The following MTMR14 variants were observed in gnomAD, a reference collection of about 807,000 sequenced individuals.
The protein encoded by MTMR14 is phosphatidylinositol-3,5-bisphosphate 3-phosphatase MTMR14.
A neutral mutation model predicts 86.3 loss-of-function variants in MTMR14; 48 were observed. That is an observed-to-expected ratio of 0.56 (90% CI 0.44 to 0.71). The LOEUF is 0.71. MTMR14 is among the 30% of genes least tolerant of loss of function. The pLI is 0.00. For missense variants in MTMR14, 780 were observed against 834.6 expected, an observed-to-expected ratio of 0.93 and a Z score of 0.81; for synonymous variants, 366 against 326.1, an observed-to-expected ratio of 1.12 and a Z score of -1.32.
chr3:9,688,249 C>G (rs1189132948), intron 14 of MTMR14, among the ~76,000 whole-genome samples: 1 of 152,234 alleles, frequency 6.6e-6, no homozygotes, highest in Non-Finnish European at 1.5e-5. Context: ...GACTCTTGTC[C>G]TCCATGGCCT....
chr3:9,685,045 G>A (rs1317992820), intron 12 of MTMR14, 81 bp downstream of exon 12: 11 of 1,519,984 alleles, frequency 7.2e-6, no homozygotes, highest in Non-Finnish European at 1.0e-5. Context: ...CCTTGACAGG[G>A]GCTGGAGGTA....
chr3:9,687,753 C>T (rs1437711883), intron 13 of MTMR14, 68 bp from the exon 14 acceptor site: 3 of 1,390,070 alleles, frequency 2.2e-6, no homozygotes, highest in African/African-American at 2.9e-5. Context: ...GAGTGGCTGG[C>T]CGCCCTCCCC....
intron 18 of MTMR14, chr3:9,699,904 A>G (rs887736036): frequency 6.6e-6 from 1 of 152,276 alleles, no homozygotes; most frequent in African/African-American, 2.4e-5. Context: ...GAAATTAGAA[A>G]GTAAAAAGAT....
intron 2 of MTMR14, among the ~76,000 whole-genome samples, chr3:9,655,065 C>A (rs1172507249): frequency 6.6e-6 from 1 of 152,014 alleles, no homozygotes; most frequent in African/African-American, 2.4e-5. Context: ...TGCTAGGAAC[C>A]CCTAAGCACT....
At position 9,649,611 on chromosome 3, in the gene MTMR14, G is replaced by A. The variant is rs2047160023; in HGVS notation, c.28G>A (p.Ala10Thr). Reference sequence around the variant, plus strand: ...GGCCGGCGCTCGGGCCGCCGCCGCCGCTGCCTCGGCGGGGTCCTCGGCCTC... The same window carrying A: ...GGCCGGCGCTCGGGCCGCCGCCGCCACTGCCTCGGCGGGGTCCTCGGCCTC... MAGARAAAA[A>T]ASAGSSASSG... Residue 10 changes from alanine (A) to threonine (T), a missense_variant, in exon 1 of 19, where the codon GCT becomes ACT. Coordinates refer to ENST00000296003, the MANE Select transcript of MTMR14 (RefSeq NM_001077525.3). The A allele has an allele frequency of 1.9e-6, 3 of 1,549,740 alleles. No individual in the cohort carries two copies. The highest frequency in any genetic ancestry group is 2.6e-6 in the Non-Finnish European group (3 of 1,147,576).
intron 3 of MTMR14, among the ~76,000 whole-genome samples, chr3:9,666,541 T>C (rs1238329330): frequency 1.3e-5 from 2 of 152,238 alleles, no homozygotes; most frequent in Non-Finnish European, 2.9e-5. Flanking sequence ...TAAAAGTGAT[T>C]ACATGTTGAC....
chr3:9,653,994 C>A, intron 2 of MTMR14: 1 of 576,418 alleles, frequency 1.7e-6, no homozygotes, highest in South Asian at 1.9e-5. Flanking sequence ...TCACTTCCAC[C>A]CTAGAGCTCA....
intron 9 of MTMR14, 102 bp from the exon 10 acceptor site, chr3:9,683,076 G>A: frequency 9.7e-7 from 1 of 1,026,816 alleles, no homozygotes; most frequent in South Asian, 1.4e-5. Context: ...CAAGGACCTT[G>A]TGTAGTTGTT....
chr3:9,654,337 AT>A (rs2124947753), intron 2 of MTMR14, among the ~76,000 whole-genome samples: 1 of 152,360 alleles, frequency 6.6e-6, no homozygotes, highest in East Asian at 1.9e-4. Flanking sequence ...TGCAGTCCAG[AT>A]GATAAATGGG....
intron 2 of MTMR14, among the ~76,000 whole-genome samples, chr3:9,656,110 A>G (rs1185643369): frequency 2.0e-5 from 3 of 152,022 alleles, no homozygotes; most frequent in Admixed American, 6.5e-5. Flanking sequence ...CAGGAGAATC[A>G]CTTGAACCCA....
intron 16 of MTMR14, 50 bp downstream of exon 16, chr3:9,689,132 C>T: frequency 1.2e-6 from 2 of 1,600,396 alleles, no homozygotes; most frequent in East Asian, 2.2e-5. Flanking sequence ...GGCCCGGGGC[C>T]ATCAGCACCA....
Position 9,684,982 on chromosome 3 carries a change from T to G in MTMR14, c.1127+18T>G. On this transcript the variant is annotated intron_variant, in intron 12 of 18. Transcript: ENST00000296003. Reference sequence around the variant, plus strand: ...CTCTTCGGGTAAGCCTTTGCAGGAGTTGGGTTTTGGGGCCTTAGTAACAGT... The same window carrying G: ...CTCTTCGGGTAAGCCTTTGCAGGAGGTGGGTTTTGGGGCCTTAGTAACAGT... 1 of 1,611,312 alleles carries G rather than the reference T, an allele frequency of 6.2e-7. No homozygotes were observed. Among genetic ancestry groups the G allele is most frequent in the Non-Finnish European group, 8.5e-7 (1 of 1,177,666 alleles).
intron 2 of MTMR14, among the ~76,000 whole-genome samples, chr3:9,657,547 C>CTT (rs532896796): frequency 4.1e-5 from 6 of 146,658 alleles, no homozygotes; most frequent in African/African-American, 1.5e-4. Context: ...TATCACCACT[C>CTT]TTTTTTTTTT....
chr3:9,669,625 C>T (rs1298726450), intron 5 of MTMR14, 133 bp downstream of exon 5: 2 of 884,908 alleles, frequency 2.3e-6, no homozygotes, highest in Admixed American at 6.0e-5. Flanking sequence ...CCTCTTCTGT[C>T]TGCCAAGTCT....
chr3:9,688,742 A>G lies in MTMR14; in HGVS notation c.1282A>G (p.Ile428Val). The stretch of plus-strand genomic sequence containing the variant: ...GGATGGAGGCTTCACCCTGGAAGAC[A>G]TCTGCATGCTGAGTGAGTCCTGGGC... ...ARDGGFTLED[I>V]CMLRRKDRGS... Residue 428 changes from isoleucine to valine, a missense_variant, in exon 15 of 19, where the codon ATC becomes GTC. Transcript: ENST00000296003. 6.2e-7 allele frequency: 1 copy of G among 1,614,138 alleles called. No individual in the cohort carries two copies.
intron 9 of MTMR14, among the ~76,000 whole-genome samples, chr3:9,681,988 C>T (rs990987365): frequency 6.6e-6 from 1 of 152,206 alleles, no homozygotes; most frequent in Admixed American, 6.5e-5. Context: ...CTCTTGTCCT[C>T]GGCAGGGCCT....
At chr3:9,698,948 C>T (rs1370602196) in intron 18 of MTMR14, among the ~76,000 whole-genome samples, 6 of 152,040 alleles carry the variant, frequency 3.9e-5, no homozygotes, top group Non-Finnish European at 7.4e-5. Context: ...GCGGGCGGAT[C>T]ACCTAAGGTT....
chr3:9,672,047 C>A (rs1048376295), intron 6 of MTMR14, among the ~76,000 whole-genome samples: 8 of 151,878 alleles, frequency 5.3e-5, no homozygotes, highest in Admixed American at 4.6e-4. Context: ...GACAGGAGAG[C>A]AGAAAAAAAG....
chr3:9,684,837 C>T, intron 11 of MTMR14, 51 bp from the exon 12 acceptor site: 1 of 1,598,604 alleles, frequency 6.3e-7, no homozygotes, highest in Non-Finnish European at 8.6e-7. Flanking sequence ...TATGGTTCAG[C>T]TCCTGGGGAT....
Sources: allele counts gnomAD v4.1 joint callset (sites outside exome capture counted in the v4.1 genomes callset), GRCh38; gene constraint gnomAD v4.1.1; transcripts MANE v1.5; gene names NCBI Gene and HGNC (gene_info 2026-07-23, HGNC 2026-07-21).